LRP1B: variants seen among roughly 807,000 people sequenced by gnomAD.
LRP1B encodes low-density lipoprotein receptor-related protein 1B.
Under a neutral mutation model 556.6 loss-of-function variants are expected in LRP1B, and 217 were observed. The observed-to-expected ratio is 0.39, with a 90% CI of 0.35 to 0.44. The LOEUF (loss-of-function observed/expected upper bound fraction) is 0.44. Among genes scored for constraint, LRP1B ranks in the 20% least tolerant of loss-of-function variants. LRP1B has a pLI of 1.00. For missense variants in LRP1B, 5,053 were observed against 5,620.8 expected (o/e 0.90, Z 3.23); for synonymous variants, 2,047 against 1,865.8 (o/e 1.10, Z -2.50).
chr2:141,813,735 G>A (rs1026991551), intron 1 of LRP1B, among the ~76,000 whole-genome samples: 6 of 152,126 alleles, frequency 3.9e-5, no homozygotes, highest in Non-Finnish European at 8.8e-5. Context: ...AGCTCAGTGG[G>A]TGGGAGCGTT....
At chr2:141,761,517 AAAT>A in intron 2 of LRP1B, among the ~76,000 whole-genome samples, 1 of 152,218 alleles carries the variant, frequency 6.6e-6, no homozygotes, top group African/African-American at 2.4e-5. Flanking sequence ...ATTTGCTTAA[AAAT>A]AATGACAAAA....
chr2:140,312,742 T>C (rs1684360643), intron 83 of LRP1B, among the ~76,000 whole-genome samples: 1 of 151,978 alleles, frequency 6.6e-6, no homozygotes, highest in Non-Finnish European at 1.5e-5. Context: ...AGTATCTTTT[T>C]GTATGAATAT....
chr2:140,449,741 TAGA>T (rs1244786425), intron 63 of LRP1B, among the ~76,000 whole-genome samples: 2 of 152,188 alleles, frequency 1.3e-5, no homozygotes, highest in East Asian at 1.9e-4. Flanking sequence ...AGCTCTCCAG[TAGA>T]AGAAGATAGC....
At chr2:141,076,941 C>T (rs1405102542) in intron 7 of LRP1B, among the ~76,000 whole-genome samples, 1 of 152,088 alleles carries the variant, frequency 6.6e-6, no homozygotes, top group African/African-American at 2.4e-5. Context: ...GTCTCATAAT[C>T]AAAGAATTTA....
chr2:140,804,340 A>T (rs1229001429), intron 32 of LRP1B, among the ~76,000 whole-genome samples: 1 of 152,148 alleles, frequency 6.6e-6, no homozygotes, highest in Non-Finnish European at 1.5e-5. Flanking sequence ...ATTCCATGAT[A>T]ACTAGCCATA....
At chr2:140,654,279 T>C (rs1162748091) in intron 41 of LRP1B, among the ~76,000 whole-genome samples, 4 of 152,130 alleles carry the variant, frequency 2.6e-5, no homozygotes, top group Non-Finnish European at 2.9e-5. Flanking sequence ...AGAAGGACTA[T>C]TAAAAATCTG....
At chr2:141,501,072 AAAATCTTCTAAATATAATAGGACTT>A (rs1279126295) in intron 2 of LRP1B, among the ~76,000 whole-genome samples, 1 of 152,160 alleles carries the variant, frequency 6.6e-6, no homozygotes, top group African/African-American at 2.4e-5. Flanking sequence ...TATATCTTGA[AAAATCTTCTAAATATAATAGGACTT>A]CTTGCAAAGT....
chr2:140,358,327 T>TA (rs1463199909), intron 73 of LRP1B, among the ~76,000 whole-genome samples: 2 of 151,664 alleles, frequency 1.3e-5, no homozygotes, highest in African/African-American at 4.8e-5. Context: ...ATAACACTGA[T>TA]ATCTACAGAA....
intron 1 of LRP1B, among the ~76,000 whole-genome samples, chr2:142,107,459 G>A (rs1559074207): frequency 1.3e-5 from 2 of 152,028 alleles, no homozygotes; most frequent in South Asian, 2.1e-4. Flanking sequence ...CAGCAAAAGG[G>A]CCCCACCAGA....
chr2:140,735,394 G>T (rs941556046), intron 35 of LRP1B, among the ~76,000 whole-genome samples: 1 of 152,152 alleles, frequency 6.6e-6, no homozygotes, highest in African/African-American at 2.4e-5. Flanking sequence ...AAATGTGAGA[G>T]CCAGATTTGG....
chr2:141,307,273 A>G (rs1464823842), intron 3 of LRP1B, among the ~76,000 whole-genome samples: 1 of 151,964 alleles, frequency 6.6e-6, no homozygotes, highest in East Asian at 1.9e-4. Flanking sequence ...TATTTGCTTT[A>G]TATATCTGGG....
At chr2:141,511,205 CTT>C (rs1684119508) in intron 2 of LRP1B, among the ~76,000 whole-genome samples, 1 of 152,072 alleles carries the variant, frequency 6.6e-6, no homozygotes, top group South Asian at 2.1e-4. Flanking sequence ...TTCTTATTGA[CTT>C]AATTATAATT....
intron 43 of LRP1B, among the ~76,000 whole-genome samples, chr2:140,597,004 A>C (rs1240160589): frequency 6.6e-6 from 1 of 152,200 alleles, no homozygotes; most frequent in East Asian, 1.9e-4. Flanking sequence ...CAGTCCATAA[A>C]TAGTCCCTAA....
intron 6 of LRP1B, among the ~76,000 whole-genome samples, chr2:141,212,249 ATT>A (rs59699046): frequency 1.6e-5 from 1 of 62,222 alleles, no homozygotes; most frequent in Non-Finnish European, 3.1e-5. Flanking sequence ...AAAAGTCTAG[ATT>A]TTTTTTTTTT....
At chr2:140,794,825 C>T (rs1422638450) in intron 32 of LRP1B, among the ~76,000 whole-genome samples, 1 of 151,902 alleles carries the variant, frequency 6.6e-6, no homozygotes, top group Non-Finnish European at 1.5e-5. Context: ...GTTGGTCAGG[C>T]TGGTCTCAAA....
At chr2:141,417,391 G>A (rs968125453) in intron 3 of LRP1B, among the ~76,000 whole-genome samples, 2 of 152,024 alleles carry the variant, frequency 1.3e-5, no homozygotes, top group African/African-American at 4.8e-5. Context: ...CTATTTCTCT[G>A]TCCTCCCATC....
intron 1 of LRP1B, among the ~76,000 whole-genome samples, chr2:142,113,644 A>C (rs1031113878): frequency 6.6e-6 from 1 of 152,098 alleles, no homozygotes; most frequent in African/African-American, 2.4e-5. Flanking sequence ...AACTAAATAA[A>C]TAAATACGTG....
At chr2:141,700,622 T>G (rs1180506145) in intron 2 of LRP1B, among the ~76,000 whole-genome samples, 2 of 151,752 alleles carry the variant, frequency 1.3e-5, no homozygotes, top group East Asian at 3.9e-4. Context: ...TATTTCTCAG[T>G]GCCATTCTCC....
At chr2:141,374,991 A>T (rs531090225) in intron 3 of LRP1B, among the ~76,000 whole-genome samples, 2 of 152,214 alleles carry the variant, frequency 1.3e-5, no homozygotes, top group South Asian at 4.1e-4. Context: ...CTGGTGTAGC[A>T]GTCATTTGTT....
Sources: gnomAD v4.1 joint callset for allele counts (sites outside exome capture counted in the v4.1 genomes callset) on GRCh38, gnomAD v4.1.1 for gene constraint, MANE v1.5 for transcripts, NCBI Gene and HGNC (gene_info 2026-07-23, HGNC 2026-07-21) for gene names.